OR10Z1: variants seen among roughly 807,000 people sequenced by gnomAD.
OR10Z1 encodes olfactory receptor 10Z1.
For missense variants in OR10Z1, 468 were observed against 371.0 expected, an observed-to-expected ratio of 1.26 and a Z score of -2.15; for synonymous variants, 187 against 151.2, an observed-to-expected ratio of 1.24 and a Z score of -1.74.
At position 158,606,418 on chromosome 1, in the gene OR10Z1, A is replaced by C. The variant is rs774107401; in HGVS notation, c.-21A>C. The C allele has an allele frequency of 2.6e-6, 4 of 1,510,384 alleles. No homozygotes were observed. Among genetic ancestry groups the C allele is most frequent in the African/African-American group, 1.4e-5 (1 of 72,234 alleles). 93.6% of individuals were successfully genotyped at this position (1,510,384 alleles called of 1,614,324 possible). On this transcript the variant is annotated 5_prime_UTR_variant, in exon 2 of 2. Transcript: ENST00000641002. The stretch of plus-strand genomic sequence containing the variant: ...CAAGGTGGAAGAAATCAACAAATCT[A>C]TCAGGGATATACCTCTCAGAATGGG...
chr1:158,606,665 G>T lies in OR10Z1; in HGVS notation c.227G>T (p.Gly76Val). ...TTCTCTGAGACCTGCTACACTTTGG[G>T]CATCATCCCTAGAATGCTCTCTGGC... ...LSFSETCYTL[G>V]IIPRMLSGLA... Residue 76 changes from glycine (G) to valine (V), a missense_variant, in exon 2 of 2, where the codon GGC (glycine) becomes GTC (valine). Physicochemically the swap from Gly to Val is moderately radical, Grantham distance 109. Transcript: ENST00000641002. 6.2e-7 allele frequency: 1 copy of T among 1,613,952 alleles called. No homozygotes were observed. The highest frequency in any genetic ancestry group is 8.5e-7 in the Non-Finnish European group (1 of 1,179,924).
In OR10Z1 at chr1:158,607,092, C is replaced by A. The variant is rs574727322; in HGVS notation, c.654C>A (p.Tyr218Ter). The change falls in exon 2 of 2, where the codon TAC becomes TAA. Residue 218 changes from tyrosine (Y) to a stop codon, truncating the protein, a stop_gained. Transcript: ENST00000641002. LOFTEE classifies it low-confidence loss of function (END_TRUNC). Reference protein sequence around the residue: ...LVSFFFITISYAYILAAILRI... With the variant: ...LVSFFFITIS ...CCTTCTTCTTCATCACCATCTCCTA[C>A]GCCTACATCTTGGCAGCAATACTGA... 1 of 1,614,028 alleles carries A rather than the reference C, an allele frequency of 6.2e-7. No homozygotes were observed.
At chr1:158,605,991 C>T (rs925334133) in intron 1 of OR10Z1, among the ~76,000 whole-genome samples, 3 of 152,160 alleles carry the variant, frequency 2.0e-5, no homozygotes, top group African/African-American at 7.2e-5. Flanking sequence ...TACGAATTTG[C>T]ATGCTATCTA....
At position 158,606,764 on chromosome 1, in the gene OR10Z1, G is replaced by A; in HGVS notation, c.326G>A (p.Cys109Tyr). 4 of 1,614,062 alleles carry A rather than the reference G, an allele frequency of 2.5e-6. No individual in the cohort carries two copies. Among genetic ancestry groups the A allele is most frequent in the Non-Finnish European group, 3.4e-6 (4 of 1,179,982 alleles). ...AQMFFSASWA[C>Y]TNCFLLAAMG... ...ATGTTCTTTTCTGCCTCATGGGCCT[G>A]TACTAACTGCTTCCTTCTGGCTGCC... Residue 109 changes from cysteine to tyrosine, a missense_variant, in exon 2 of 2, where the codon TGT becomes TAT. Coordinates refer to ENST00000641002, the MANE Select transcript of OR10Z1 (RefSeq NM_001004478.2).
At position 158,612,384 on chromosome 1, in the gene OR10Z1, C is replaced by A; in HGVS notation, c.*5004C>A. The A allele has an allele frequency of 9.3e-6, 2 of 215,020 alleles. No individual in the cohort carries two copies. The highest frequency in any genetic ancestry group is 1.9e-5 in the Non-Finnish European group (2 of 106,572). 13.3% of individuals were successfully genotyped at this position (215,020 alleles called of 1,614,324 possible). On this transcript the variant is annotated 3_prime_UTR_variant, in exon 2 of 2. Transcript: ENST00000641002. ...ATTACTTCTGGTTGTAATAAAATTC[C>A]CCACATCTTTGTTCCCATGACAGAT...
Position 158,612,171 on chromosome 1 carries a change from G to C in OR10Z1, c.*4791G>C, listed in dbSNP as rs554849124. The C allele has an allele frequency of 6.5e-6, 1 of 154,500 alleles. No individual in the cohort carries two copies. The highest frequency in any genetic ancestry group is 2.0e-4 in the South Asian group (1 of 4,946). The allele number at this position is 154,500 out of a possible 1,614,324, so 9.6% of individuals were successfully genotyped here. A position where few individuals can be genotyped will look rare whatever the true frequency, so the allele number is the denominator to read the frequency against. The stretch of plus-strand genomic sequence containing the variant: ...TATGCTTTAGGTATTAGGAAAATCT[G>C]TTTTCTCAAGTTCCTTTGCACACAC... On this transcript the variant is annotated 3_prime_UTR_variant, in exon 2 of 2. Coordinates refer to ENST00000641002, the MANE Select transcript of OR10Z1 (RefSeq NM_001004478.2).
rs1286284945 is a variant in OR10Z1 at position 158,609,463 on chromosome 1, C to T, written c.*2083C>T. The T allele has an allele frequency of 6.6e-6, 1 of 152,170 alleles. No homozygotes were observed. The highest frequency in any genetic ancestry group is 6.5e-5 in the Admixed American group (1 of 15,268). 9.4% of individuals were successfully genotyped at this position (152,170 alleles called of 1,614,324 possible). On this transcript the variant is annotated 3_prime_UTR_variant, in exon 2 of 2. Transcript: ENST00000641002. ...AGCAAATTCATTTCACCAGTTCATT[C>T]AGTCTGCCCAGCATAACATTGACTA... is the stretch of plus-strand genomic sequence containing the variant.
rs1307124565 is a variant in OR10Z1 at position 158,612,075 on chromosome 1, A to C, written c.*4695A>C. On this transcript the variant is annotated 3_prime_UTR_variant, in exon 2 of 2. Transcript: ENST00000641002. ...TTTGTGCAAAACGATACCATCATGT[A>C]TGTGACCCTTTGTAATCTGGTTTCT... 6.5e-6 allele frequency: 1 copy of C among 154,798 alleles called. No homozygotes were observed. The highest frequency in any genetic ancestry group is 1.4e-5 in the Non-Finnish European group (1 of 69,916). The allele number at this position is 154,798 out of a possible 1,614,324, so 9.6% of individuals were successfully genotyped here. A position where few individuals can be genotyped will look rare whatever the true frequency, so the allele number is the denominator to read the frequency against.
Position 158,609,718 on chromosome 1 carries a change from A to G in OR10Z1, c.*2338A>G, listed in dbSNP as rs2101738214. ...TTCAAAATCTCGTTTGGTGATTCAA[A>G]TTTCCTCTCTTGATTAAGTATGTGA... is the stretch of plus-strand genomic sequence containing the variant. On this transcript the variant is annotated 3_prime_UTR_variant, in exon 2 of 2. Coordinates refer to ENST00000641002, the MANE Select transcript of OR10Z1 (RefSeq NM_001004478.2). The G allele has an allele frequency of 6.6e-6, 1 of 152,240 alleles. No individual in the cohort carries two copies. The highest frequency in any genetic ancestry group is 2.4e-5 in the African/African-American group (1 of 41,558). 9.4% of individuals were successfully genotyped at this position (152,240 alleles called of 1,614,324 possible). A position where few individuals can be genotyped will look rare whatever the true frequency, so the allele number is the denominator to read the frequency against.
chr1:158,610,387 T>G lies in OR10Z1; in HGVS notation c.*3007T>G, dbSNP rs1400985181. 6.6e-6 allele frequency: 1 copy of G among 152,192 alleles called. No individual in the cohort carries two copies. The highest frequency in any genetic ancestry group is 1.5e-5 in the Non-Finnish European group (1 of 68,026). 9.4% of individuals were successfully genotyped at this position (152,192 alleles called of 1,614,324 possible). A position where few individuals can be genotyped will look rare whatever the true frequency, so the allele number is the denominator to read the frequency against. ...AAATCAGAATGTCGGCATATAAACCTGTTCAGAATAAACCTGGCCTGAAAA... is the reference window on the plus strand; with the variant it reads ...AAATCAGAATGTCGGCATATAAACCGGTTCAGAATAAACCTGGCCTGAAAA... On this transcript the variant is annotated 3_prime_UTR_variant, in exon 2 of 2. Coordinates refer to ENST00000641002, the MANE Select transcript of OR10Z1 (RefSeq NM_001004478.2).
At position 158,607,605 on chromosome 1, in the gene OR10Z1, A is replaced by C; in HGVS notation, c.*225A>C. ...AACTCAAAATGAGCCCAAAATCTGA[A>C]TTTTAACTTTCAGCCTCCTAGATGC... On this transcript the variant is annotated 3_prime_UTR_variant, in exon 2 of 2. Transcript: ENST00000641002. The C allele has an allele frequency of 2.4e-6, 1 of 411,922 alleles. No individual in the cohort carries two copies. Among genetic ancestry groups the C allele is most frequent in the Non-Finnish European group, 4.3e-6 (1 of 233,204 alleles). 25.5% of individuals were successfully genotyped at this position (411,922 alleles called of 1,614,324 possible). A position where few individuals can be genotyped will look rare whatever the true frequency, so the allele number is the denominator to read the frequency against.
rs1442627812 is a variant in OR10Z1 at position 158,612,512 on chromosome 1, C to T, written c.*5132C>T. The T allele has an allele frequency of 1.8e-5, 7 of 384,394 alleles. No individual in the cohort carries two copies. Among genetic ancestry groups the T allele is most frequent in the Non-Finnish European group, 3.0e-5 (6 of 202,652 alleles). The allele number at this position is 384,394 out of a possible 1,614,324, so 23.8% of individuals were successfully genotyped here. A position where few individuals can be genotyped will look rare whatever the true frequency, so the allele number is the denominator to read the frequency against. ...TTACTAAAGTTTGCACTCCTCATGC[C>T]TGGAACATAGTAAGCATTCAATAAA... On this transcript the variant is annotated 3_prime_UTR_variant, in exon 2 of 2. Coordinates refer to ENST00000641002, the MANE Select transcript of OR10Z1 (RefSeq NM_001004478.2).
In OR10Z1 at chr1:158,607,225, A is replaced by G. The variant is rs1463250014; in HGVS notation, c.787A>G (p.Lys263Glu). Residue 263 changes from lysine to glutamate, a missense_variant, in exon 2 of 2, where the codon AAA (lysine) becomes GAA (glutamate). Transcript: ENST00000641002. ...GCASFVYLRP[K>E]ASYSLERDQL... is the part of the protein sequence containing the mutation. ...TGCTTCCTTCGTGTACCTGAGGCCC[A>G]AAGCCAGCTACTCTCTTGAGAGAGA... is the stretch of plus-strand genomic sequence containing the variant. The G allele has an allele frequency of 6.2e-7, 1 of 1,614,090 alleles. No individual in the cohort carries two copies. Among genetic ancestry groups the G allele is most frequent in the African/African-American group, 1.3e-5 (1 of 75,040 alleles).
Position 158,606,488 on chromosome 1 carries a change from T to G in OR10Z1, c.50T>G (p.Phe17Cys), listed in dbSNP as rs913497161. 3 of 1,613,992 alleles carry G rather than the reference T, an allele frequency of 1.9e-6. No homozygotes were observed. The highest frequency in any genetic ancestry group is 1.7e-5 in the Admixed American group (1 of 59,978). The change falls in exon 2 of 2, where the codon TTC (phenylalanine) becomes TGC (cysteine). Residue 17 changes from phenylalanine (F) to cysteine (C), a missense_variant. Physicochemically the swap from Phe to Cys is radical, Grantham distance 205. Transcript: ENST00000641002. ...TGGAGGGATTTTGTCTTCCTGGGCT[T>G]CTCCAGTTCTGGGGAGTTGCAGCTC... ...TSWRDFVFLG[F>C]SSSGELQLLL...
rs114172862 is a variant in OR10Z1, at chr1:158,611,465, G to T, written c.*4085G>T. 594 of 1,558,138 alleles carry T rather than the reference G, an allele frequency of 3.8e-4. 3 individuals carry two copies. The African/African-American group carries it at 7.3e-3, about 19-fold the overall frequency. ...GGTTCCTTGGGGCTTCCCATATTAC[G>T]CCATAAATGCAGGAGATGGAGAGTC... On this transcript the variant is annotated 3_prime_UTR_variant, in exon 2 of 2. Coordinates refer to ENST00000641002, the MANE Select transcript of OR10Z1 (RefSeq NM_001004478.2).
At position 158,607,797 on chromosome 1, in the gene OR10Z1, A is replaced by G. The variant is rs1231390658; in HGVS notation, c.*417A>G. 1 of 158,560 alleles carries G rather than the reference A, an allele frequency of 6.3e-6. No homozygotes were observed. The highest frequency in any genetic ancestry group is 2.4e-5 in the African/African-American group (1 of 41,612). 9.8% of individuals were successfully genotyped at this position (158,560 alleles called of 1,614,324 possible). ...GTAGAGATTTCTAAAATCATTACATAATTAGACTATTTGACCTGTAATGTT... is the reference window on the plus strand; with the variant it reads ...GTAGAGATTTCTAAAATCATTACATGATTAGACTATTTGACCTGTAATGTT... On this transcript the variant is annotated 3_prime_UTR_variant, in exon 2 of 2. Transcript: ENST00000641002.
In OR10Z1 at chr1:158,612,360, T is replaced by C. The variant is rs1649308674; in HGVS notation, c.*4980T>C. On this transcript the variant is annotated 3_prime_UTR_variant, in exon 2 of 2. Transcript: ENST00000641002. ...CTCTTGGAATCAGAGAGAAGAGAGA[T>C]TACTTCTGGTTGTAATAAAATTCCC... is the stretch of plus-strand genomic sequence containing the variant. The C allele has an allele frequency of 4.7e-6, 1 of 213,936 alleles. No individual in the cohort carries two copies. The highest frequency in any genetic ancestry group is 9.4e-6 in the Non-Finnish European group (1 of 106,122). 13.3% of individuals were successfully genotyped at this position (213,936 alleles called of 1,614,324 possible).
chr1:158,612,233 A>C lies in OR10Z1; in HGVS notation c.*4853A>C, dbSNP rs1471746549. 1 of 157,556 alleles carries C rather than the reference A, an allele frequency of 6.3e-6. No homozygotes were observed. Among genetic ancestry groups the C allele is most frequent in the Non-Finnish European group, 1.4e-5 (1 of 71,680 alleles). 9.8% of individuals were successfully genotyped at this position (157,556 alleles called of 1,614,324 possible). A position where few individuals can be genotyped will look rare whatever the true frequency, so the allele number is the denominator to read the frequency against. On this transcript the variant is annotated 3_prime_UTR_variant, in exon 2 of 2. Coordinates refer to ENST00000641002, the MANE Select transcript of OR10Z1 (RefSeq NM_001004478.2). ...CCTGAAACACTTAGGCTTTCCTTTGATGACTTGATGAGTTCCTGCACGTCC... is the reference window on the plus strand; with the variant it reads ...CCTGAAACACTTAGGCTTTCCTTTGCTGACTTGATGAGTTCCTGCACGTCC...
At position 158,608,764 on chromosome 1, in the gene OR10Z1, A is replaced by G. The variant is rs866533052; in HGVS notation, c.*1384A>G. The G allele has an allele frequency of 6.6e-6, 1 of 152,176 alleles. No individual in the cohort carries two copies. The highest frequency in any genetic ancestry group is 2.4e-5 in the African/African-American group (1 of 41,454). The allele number at this position is 152,176 out of a possible 1,614,324, so 9.4% of individuals were successfully genotyped here. A position where few individuals can be genotyped will look rare whatever the true frequency, so the allele number is the denominator to read the frequency against. On this transcript the variant is annotated 3_prime_UTR_variant, in exon 2 of 2. Transcript: ENST00000641002. ...GGTAAGACAATATAAGCCTAGTTTAATGTGTGTGAGTTATTCAGAGGGGCT... is the reference window on the plus strand; with the variant it reads ...GGTAAGACAATATAAGCCTAGTTTAGTGTGTGTGAGTTATTCAGAGGGGCT...
Sources: gnomAD v4.1 joint callset for allele counts (sites outside exome capture counted in the v4.1 genomes callset) on GRCh38, gnomAD v4.1.1 for gene constraint, MANE v1.5 for transcripts, NCBI Gene and HGNC (gene_info 2026-07-23, HGNC 2026-07-21) for gene names.